Variants in KIAA1958 observed in about 807,000 individuals in gnomAD.
The protein encoded by KIAA1958 is uncharacterized protein KIAA1958.
KIAA1958 carries 14 observed loss-of-function variants against 47.2 expected under a neutral mutation model. The observed-to-expected ratio is 0.30, with a 90% CI of 0.20 to 0.46. The LOEUF is 0.46. KIAA1958 is among the 20% of genes least tolerant of loss of function. KIAA1958 has a pLI of 1.00. For synonymous variants in KIAA1958, 354 were observed against 353.3 expected (o/e 1.00, Z -0.02); for missense variants, 803 against 909.2 (o/e 0.88, Z 1.50).
intron 1 of KIAA1958, among the ~76,000 whole-genome samples, chr9:112,568,794 G>C (rs1239558091): frequency 6.6e-6 from 1 of 150,866 alleles, no homozygotes; most frequent in Non-Finnish European, 1.5e-5. Context: ...AGGCTGAGGT[G>C]GGAGGGTTAC....
In KIAA1958 at chr9:112,618,697, G is replaced by A. The variant is rs1161442146; in HGVS notation, c.1172-26953G>A. ...CCCTTGGCAAGAACAAGCTGGCCAA[G>A]ATGGTGAAGACCATGTGTGAGAAGG... On this transcript the variant is annotated intron_variant, in intron 2 of 3. Transcript: ENST00000337530. The surrounding 1 kb of genome is among the most constrained non-coding windows in gnomAD (Gnocchi z 7.1). The A allele has an allele frequency of 3.9e-6, 6 of 1,550,712 alleles. No individual in the cohort carries two copies. The highest frequency in any genetic ancestry group is 1.7e-4 in the Middle Eastern group (1 of 5,990).
At chr9:112,569,784 C>T (rs953171334) in intron 1 of KIAA1958, among the ~76,000 whole-genome samples, 7 of 152,062 alleles carry the variant, frequency 4.6e-5, no homozygotes, top group African/African-American at 1.7e-4. Flanking sequence ...CCATGCCTGA[C>T]TAATTTTTTT....
chr9:112,523,706 A>G (rs752515674), intron 1 of KIAA1958, among the ~76,000 whole-genome samples: 2 of 152,212 alleles, frequency 1.3e-5, no homozygotes, highest in African/African-American at 2.4e-5. Flanking sequence ...CATGTATCAA[A>G]TATGCCCCAA....
chr9:112,536,614 G>A (rs1266170608), intron 1 of KIAA1958, among the ~76,000 whole-genome samples: 1 of 152,050 alleles, frequency 6.6e-6, no homozygotes, highest in Non-Finnish European at 1.5e-5. Context: ...ATATTCATAT[G>A]GGAAAAAAAT....
intron 2 of KIAA1958, among the ~76,000 whole-genome samples, chr9:112,643,202 T>A (rs532812994): frequency 6.6e-6 from 1 of 152,338 alleles, no homozygotes; most frequent in Non-Finnish European, 1.5e-5. Flanking sequence ...ATTCTTTCAC[T>A]GTAGTGACTC....
intron 3 of KIAA1958, among the ~76,000 whole-genome samples, chr9:112,651,334 A>G (rs552769013): frequency 6.0e-5 from 9 of 151,200 alleles, no homozygotes; most frequent in African/African-American, 2.2e-4. Context: ...CTCTGTCCAC[A>G]ATAGAATTAA....
intron 1 of KIAA1958, among the ~76,000 whole-genome samples, chr9:112,566,171 G>A (rs867568492): frequency 7.2e-5 from 11 of 152,014 alleles, no homozygotes; most frequent in African/African-American, 2.7e-4. Flanking sequence ...CCAAAGTGCT[G>A]GGATTACAGG....
chr9:112,658,876 C>T (rs1471718903), intron 3 of KIAA1958, among the ~76,000 whole-genome samples: 3 of 148,264 alleles, frequency 2.0e-5, no homozygotes, highest in African/African-American at 4.9e-5. Flanking sequence ...AAAAATTAGC[C>T]GGGCGTGGTG....
At position 112,529,117 on chromosome 9, in the gene KIAA1958, A is replaced by G. The variant is rs979350303; in HGVS notation, c.-25+41999A>G. Among the ~76,000 whole-genome samples the G allele has an allele frequency of 3.9e-5, 6 of 152,364 alleles. No individual in the cohort carries two copies. In the East Asian group the frequency reaches 9.6e-4, roughly 24 times the overall value. On this transcript the variant is annotated intron_variant, in intron 1 of 3. Transcript: ENST00000337530. ...CTAACAATGGAGTGTAAGGGAGTGA[A>G]CAAAACAATTCCCTGCCTTCTTTTA...
rs760524545 is a variant in KIAA1958 at position 112,659,963 on chromosome 9, T to C, written c.2045T>C (p.Val682Ala). The part of the protein sequence containing the change: ...RMGLRSLRGI[V>A]PNLAKKVKLE... ...GGGCTGCGCTCTCTTCGGGGAATTG[T>C]CCCAAACTTAGCCAAGAAGGTCAAG... Residue 682 changes from valine to alanine, a missense_variant, in exon 4 of 4, where the codon GTC becomes GCC. By Grantham distance (64) the Val-to-Ala change is moderately conservative. Transcript: ENST00000337530. 1.9e-6 allele frequency: 3 copies of C among 1,614,238 alleles called. No individual in the cohort carries two copies. Among genetic ancestry groups the C allele is most frequent in the Non-Finnish European group, 1.7e-6 (2 of 1,180,034 alleles).
intron 2 of KIAA1958, among the ~76,000 whole-genome samples, chr9:112,608,397 T>C (rs1434294333): frequency 6.6e-6 from 1 of 152,068 alleles, no homozygotes; most frequent in East Asian, 1.9e-4. Context: ...AGAAAAATAA[T>C]GTAATGGAAA....
Position 112,575,174 on chromosome 9 carries a change from C to T in KIAA1958, c.1094C>T (p.Pro365Leu), listed in dbSNP as rs1316409275. The T allele has an allele frequency of 6.3e-7, 1 of 1,596,406 alleles. No homozygotes were observed. Residue 365 changes from proline to leucine, a missense_variant, in exon 2 of 4, where the codon CCA (proline) becomes CTA (leucine). By Grantham distance (98) the Pro-to-Leu change is moderately conservative. This residue lies in a region of KIAA1958 where 761 missense variants were observed against 829.3 expected (regional missense o/e 0.92). Coordinates refer to ENST00000337530, the MANE Select transcript of KIAA1958 (RefSeq NM_133465.4). ...VALSPSVNTEPEVSSSQQQPP... is the reference protein window; with the variant it reads ...VALSPSVNTELEVSSSQQQPP... ...CTTTCTCCCTCAGTTAACACAGAGC[C>T]AGAAGTGAGCTCCAGTCAGCAGCAG...
chr9:112,500,674 T>C (rs1255860441), intron 1 of KIAA1958, among the ~76,000 whole-genome samples: 1 of 152,196 alleles, frequency 6.6e-6, no homozygotes, highest in East Asian at 1.9e-4. Flanking sequence ...AAGAACATAC[T>C]GTTGGCCTGA....
At chr9:112,502,507 C>G (rs1010627778) in intron 1 of KIAA1958, among the ~76,000 whole-genome samples, 3 of 152,220 alleles carry the variant, frequency 2.0e-5, no homozygotes, top group Non-Finnish European at 4.4e-5. Flanking sequence ...TTTATACTTG[C>G]ACTGGCACCA....
chr9:112,509,362 G>T (rs1056704337), intron 1 of KIAA1958, among the ~76,000 whole-genome samples: 24 of 151,892 alleles, frequency 1.6e-4, no homozygotes, highest in Non-Finnish European at 3.4e-4. Context: ...CACCATGCCC[G>T]GCTAATTTTT....
chr9:112,547,807 C>T (rs1835066468), intron 1 of KIAA1958, among the ~76,000 whole-genome samples: 1 of 151,990 alleles, frequency 6.6e-6, no homozygotes, highest in African/African-American at 2.4e-5. Context: ...TCTCTGGCAC[C>T]TTTTTAAGTC....
At chr9:112,495,772 A>G (rs540056319) in intron 1 of KIAA1958, among the ~76,000 whole-genome samples, 1 of 152,310 alleles carries the variant, frequency 6.6e-6, no homozygotes, top group African/African-American at 2.4e-5. Flanking sequence ...GCCATCAGTC[A>G]TTGTTGTTCC....
At chr9:112,519,050 C>T (rs1021979865) in intron 1 of KIAA1958, among the ~76,000 whole-genome samples, 2 of 152,206 alleles carry the variant, frequency 1.3e-5, no homozygotes, top group Middle Eastern at 3.4e-3. Flanking sequence ...CTGTTTCAGC[C>T]TCCCAAGTAG....
intron 1 of KIAA1958, among the ~76,000 whole-genome samples, chr9:112,564,482 C>T (rs1462052461): frequency 6.6e-6 from 1 of 152,130 alleles, no homozygotes; most frequent in African/African-American, 2.4e-5. Flanking sequence ...CAGGTGGAAG[C>T]TAACTAGGGA....
Sources: gnomAD v4.1 joint callset for allele counts (sites outside exome capture counted in the v4.1 genomes callset) on GRCh38, gnomAD v4.1.1 for gene constraint, gnomAD v4.1.1 regional missense constraint, Gnocchi (gnomAD v3.1) non-coding constraint, MANE v1.5 for transcripts, NCBI Gene and HGNC (gene_info 2026-07-23, HGNC 2026-07-21) for gene names.